RAB3C: variants seen among roughly 807,000 people sequenced by gnomAD.
RAB3C encodes RAB3C, member RAS oncogene family, also known as ras-related protein Rab-3C.
In RAB3C, 17 loss-of-function variants were observed where a neutral mutation model predicts 26.4. The observed-to-expected ratio is 0.64, with a 90% confidence interval of 0.44 to 0.97. The LOEUF is 0.97. RAB3C is among the 50% of genes least tolerant of loss of function. RAB3C has a pLI of 0.00. For missense variants in RAB3C, 242 were observed against 281.9 expected (o/e 0.86, Z 1.01); for synonymous variants, 91 against 95.9 (o/e 0.95, Z 0.30).
At chr5:58,771,252 G>T (rs1278148586) in intron 3 of RAB3C, among the ~76,000 whole-genome samples, 1 of 149,356 alleles carries the variant, frequency 6.7e-6, no homozygotes, top group Non-Finnish European at 1.5e-5. Flanking sequence ...TTATGATGAA[G>T]AATATGAATA....
intron 3 of RAB3C, among the ~76,000 whole-genome samples, chr5:58,796,577 A>G (rs980883779): frequency 7.9e-5 from 12 of 152,240 alleles, no homozygotes; most frequent in South Asian, 2.1e-4. Context: ...ATTATTTACA[A>G]AAGTGTTGGC....
chr5:58,695,317 T>C (rs1748674446), intron 2 of RAB3C, among the ~76,000 whole-genome samples: 1 of 152,226 alleles, frequency 6.6e-6, no homozygotes, highest in Non-Finnish European at 1.5e-5. Context: ...GCTGTTTTGG[T>C]CACTGTAGCT....
At chr5:58,618,543 CAGA>C (rs752631137) in intron 2 of RAB3C, among the ~76,000 whole-genome samples, 3 of 152,070 alleles carry the variant, frequency 2.0e-5, no homozygotes, top group South Asian at 2.1e-4. Context: ...TCCTTACCTC[CAGA>C]AGAAGATCAG....
intron 1 of RAB3C, 100 bp downstream of exon 1, chr5:58,583,332 G>A (rs1215088634): frequency 1.4e-5 from 22 of 1,579,294 alleles, no homozygotes; most frequent in Non-Finnish European, 1.9e-5. Context: ...AGGTCTAGGC[G>A]GTCACCCGCG....
intron 2 of RAB3C, among the ~76,000 whole-genome samples, chr5:58,654,794 T>G (rs2111793774): frequency 6.6e-6 from 1 of 152,296 alleles, no homozygotes; most frequent in South Asian, 2.1e-4. Flanking sequence ...TAGTGATGAT[T>G]CAGACTCATT....
intron 4 of RAB3C, among the ~76,000 whole-genome samples, chr5:58,845,594 C>CTA (rs147626783): frequency 0.11 from 8,138 of 74,506 alleles, 1,012 homozygotes; most frequent in Admixed American, 0.22. Context: ...GTGATTCTTA[C>CTA]TATATATATA....
intron 3 of RAB3C, among the ~76,000 whole-genome samples, chr5:58,803,977 T>A (rs1742874467): frequency 6.6e-6 from 1 of 151,946 alleles, no homozygotes; most frequent in Non-Finnish European, 1.5e-5. Context: ...GGACAGTCAC[T>A]TGAACCTGGG....
At chr5:58,660,688 A>T (rs926109280) in intron 2 of RAB3C, among the ~76,000 whole-genome samples, 1 of 150,338 alleles carries the variant, frequency 6.7e-6, no homozygotes, top group Non-Finnish European at 1.5e-5. Flanking sequence ...ATATATGGTT[A>T]TTTCTTTATC....
At chr5:58,709,976 C>G (rs1407894165) in intron 2 of RAB3C, among the ~76,000 whole-genome samples, 1 of 152,142 alleles carries the variant, frequency 6.6e-6, no homozygotes, top group Non-Finnish European at 1.5e-5. Flanking sequence ...ATTGTATAAT[C>G]TCATACAGAA....
intron 2 of RAB3C, among the ~76,000 whole-genome samples, chr5:58,658,404 T>C (rs1747825446): frequency 6.6e-6 from 1 of 152,184 alleles, no homozygotes; most frequent in South Asian, 2.1e-4. Flanking sequence ...TGCAATCATG[T>C]CATCTGCAAA....
At chr5:58,750,374 T>G (rs1741496378) in intron 3 of RAB3C, among the ~76,000 whole-genome samples, 1 of 152,264 alleles carries the variant, frequency 6.6e-6, no homozygotes. Flanking sequence ...CTCATTTTTC[T>G]TCTTAATTCT....
At chr5:58,620,175 C>T (rs978596162) in intron 2 of RAB3C, among the ~76,000 whole-genome samples, 7 of 152,180 alleles carry the variant, frequency 4.6e-5, no homozygotes, top group African/African-American at 1.7e-4. Context: ...ACACTCCCAT[C>T]AGGGTTCAGC....
Position 58,600,352 on chromosome 5 carries a change from ATT to A in RAB3C, c.24+17128_24+17129del, listed in dbSNP as rs566448442. On this transcript the variant is annotated intron_variant, in intron 1 of 4. Coordinates refer to ENST00000282878, the MANE Select transcript of RAB3C (RefSeq NM_138453.4). ...TTTTTGGTTTCATATGAATTTTAGAATTTTTTTTTCTAATTCTGTGAAGAATA... is the reference window on the plus strand; with the variant it reads ...TTTTTGGTTTCATATGAATTTTAGAATTTTTTTCTAATTCTGTGAAGAATA... Among the ~76,000 whole-genome samples the A allele has an allele frequency of 1.2e-4, 18 of 151,116 alleles. No homozygotes were observed. In the South Asian group the frequency reaches 3.8e-3, roughly 32 times the overall value.
intron 3 of RAB3C, among the ~76,000 whole-genome samples, chr5:58,761,054 C>G (rs1400915285): frequency 8.6e-5 from 7 of 81,630 alleles, no homozygotes; most frequent in Non-Finnish European, 1.7e-4. Context: ...CTCTCCCTCT[C>G]TCTCTCTCTC....
chr5:58,595,870 C>G (rs986386143), intron 1 of RAB3C, among the ~76,000 whole-genome samples: 43 of 152,184 alleles, frequency 2.8e-4, no homozygotes, highest in Admixed American at 1.2e-3. Context: ...TTGAACGATT[C>G]TTTACATTTT....
chr5:58,725,215 T>A (rs1455191752), intron 2 of RAB3C, among the ~76,000 whole-genome samples: 3 of 151,888 alleles, frequency 2.0e-5, no homozygotes, highest in Admixed American at 6.6e-5. Flanking sequence ...TATTCTTGGA[T>A]GGCAGGTTTC....
chr5:58,846,494 T>G (rs1183308650), intron 4 of RAB3C, among the ~76,000 whole-genome samples: 1 of 152,090 alleles, frequency 6.6e-6, no homozygotes, highest in Non-Finnish European at 1.5e-5. Flanking sequence ...TCCTCCCACC[T>G]CAGCCTCCCG....
intron 2 of RAB3C, among the ~76,000 whole-genome samples, chr5:58,712,167 A>T (rs1424174633): frequency 6.6e-6 from 1 of 152,062 alleles, no homozygotes; most frequent in East Asian, 1.9e-4. Context: ...TTTCTCTAGT[A>T]CTTACGTCAT....
intron 2 of RAB3C, among the ~76,000 whole-genome samples, chr5:58,657,332 C>T (rs905011640): frequency 6.6e-6 from 1 of 151,562 alleles, no homozygotes; most frequent in East Asian, 1.9e-4. Context: ...TCACAAATCA[C>T]CACTAAAGAA....
Sources: gnomAD v4.1 joint callset for allele counts (sites outside exome capture counted in the v4.1 genomes callset) on GRCh38, gnomAD v4.1.1 for gene constraint, MANE v1.5 for transcripts, NCBI Gene and HGNC (gene_info 2026-07-23, HGNC 2026-07-21) for gene names.